Variants in LRFN1 observed in about 807,000 individuals in gnomAD.
LRFN1 encodes leucine-rich repeat and fibronectin type III domain-containing protein 1.
Under a neutral mutation model 31.8 loss-of-function variants are expected in LRFN1, and 20 were observed. That is an observed-to-expected ratio of 0.63 (90% CI 0.44 to 0.91). The LOEUF (loss-of-function observed/expected upper bound fraction) is 0.91, where lower values mean the gene tolerates loss of function less well. LRFN1 is among the 40% of genes least tolerant of loss of function. The probability of loss-of-function intolerance (pLI) is 0.00; values close to 1 mark genes in which losing one functional copy is unlikely to be tolerated. For missense variants in LRFN1, 912 were observed against 1,129.8 expected (o/e 0.81, Z 2.76); for synonymous variants, 514 against 541.3 (o/e 0.95, Z 0.70).
Position 39,314,020 on chromosome 19 carries a change from G to C in LRFN1, c.1317C>G (p.Leu439=), listed in dbSNP as rs746655922. 1 of 1,611,886 alleles carries C rather than the reference G, an allele frequency of 6.2e-7. No homozygotes were observed. ...VAAELTSNSV[L]IRWPAQRPVP... The stretch of plus-strand genomic sequence containing the variant: ...CAGGCCTCTGGGCTGGCCAGCGGAT[G>C]AGCACGGAGTTCGAGGTGAGCTCGG... Residue 439 remains leucine (L), a synonymous_variant, in exon 4 of 5, where the codon CTC becomes CTG. Coordinates refer to ENST00000248668, the MANE Select transcript of LRFN1 (RefSeq NM_020862.2).
intron 2 of LRFN1, among the ~76,000 whole-genome samples, chr19:39,317,522 G>A (rs1349393021): frequency 6.6e-6 from 1 of 152,120 alleles, no homozygotes; most frequent in Non-Finnish European, 1.5e-5. Flanking sequence ...AGCTGGGGTA[G>A]GACTCAAATG....
rs550952178 is a variant in LRFN1, at chr19:39,307,272, G to A, written c.*361C>T. 7.5e-6 allele frequency: 3 copies of A among 398,532 alleles called. No individual in the cohort carries two copies. The highest frequency in any genetic ancestry group is 7.1e-5 in the East Asian group (2 of 28,026). The allele number at this position is 398,532 out of a possible 1,614,324, so 24.7% of individuals were successfully genotyped here. On this transcript the variant is annotated 3_prime_UTR_variant, in exon 5 of 5. Coordinates refer to ENST00000248668, the MANE Select transcript of LRFN1 (RefSeq NM_020862.2). The surrounding 1 kb of genome is among the most constrained non-coding windows in gnomAD (Gnocchi z 6.7). ...TCGCCCCGGCCCCGGGTGACGGGCT[G>A]GGGGAGGGGGCTCGTGTCTCAGTGC...
rs542584455 is a variant in LRFN1, at chr19:39,319,499, C to T, written c.-125-1141G>A. ...TACGAGGCTGATCCACACTGGAACA[C>T]GCACACAGGCACAAAAAGATCCACC... is the stretch of plus-strand genomic sequence containing the variant. On this transcript the variant is annotated intron_variant, in intron 1 of 4. Transcript: ENST00000248668. 1.6e-4 allele frequency among the ~76,000 whole-genome samples: 25 copies of T among 152,220 alleles called. 1 individual carries two copies. Among genetic ancestry groups the T allele is most frequent in the Admixed American group, 6.5e-4 (10 of 15,284 alleles).
chr19:39,314,011 C>A lies in LRFN1; in HGVS notation c.1326G>T (p.Trp442Cys). 2.5e-6 allele frequency: 4 copies of A among 1,611,652 alleles called. No individual in the cohort carries two copies. Among genetic ancestry groups the A allele is most frequent in the Non-Finnish European group, 3.4e-6 (4 of 1,179,768 alleles). Residue 442 changes from tryptophan to cysteine, a missense_variant, in exon 4 of 5, where the codon TGG becomes TGT. This residue lies in a region of LRFN1 where 511 missense variants were observed against 557.0 expected (regional missense o/e 0.92). Transcript: ENST00000248668. ...ELTSNSVLIRWPAQRPVPGIR... is the reference protein window; with the variant it reads ...ELTSNSVLIRCPAQRPVPGIR... ...TTCCGGGCACAGGCCTCTGGGCTGGCCAGCGGATGAGCACGGAGTTCGAGG... is the reference window on the plus strand; with the variant it reads ...TTCCGGGCACAGGCCTCTGGGCTGGACAGCGGATGAGCACGGAGTTCGAGG...
Position 39,308,521 on chromosome 19 carries a change from C to G in LRFN1, c.1428G>C (p.Gln476His). ...CCGCCAGGTCATTCACCAGGAAGGT[C>G]TGACTGGTGGACGGGATCATCCTGT... is the stretch of plus-strand genomic sequence containing the variant. The part of the protein sequence containing the change: ...LVYRMIPSTS[Q>H]TFLVNDLAAG... The change falls in exon 5 of 5, where the codon CAG (glutamine) becomes CAC (histidine). Residue 476 changes from glutamine to histidine, a missense_variant. By Grantham distance (24) the Gln-to-His change is conservative. Transcript: ENST00000248668. The surrounding 1 kb of genome is among the most constrained non-coding windows in gnomAD (Gnocchi z 6.2). 1 of 1,591,982 alleles carries G rather than the reference C, an allele frequency of 6.3e-7. No homozygotes were observed. Among genetic ancestry groups the G allele is most frequent in the African/African-American group, 1.3e-5 (1 of 74,930 alleles).
intron 4 of LRFN1, among the ~76,000 whole-genome samples, chr19:39,313,084 G>A (rs1016545016): frequency 1.3e-5 from 2 of 152,174 alleles, no homozygotes; most frequent in Non-Finnish European, 1.5e-5. Flanking sequence ...TAAAATGTCT[G>A]TTGACACCGT....
chr19:39,308,563 A>G lies in LRFN1; in HGVS notation c.1407-21T>C, dbSNP rs2075139407. ...TCATCCTGTAGGAGGGGGCGGGTTCAGGGCGGGGTTAGTCCCCCCGAACCA... is the reference window on the plus strand; with the variant it reads ...TCATCCTGTAGGAGGGGGCGGGTTCGGGGCGGGGTTAGTCCCCCCGAACCA... On this transcript the variant is annotated intron_variant, in intron 4 of 4. Coordinates refer to ENST00000248668, the MANE Select transcript of LRFN1 (RefSeq NM_020862.2). The surrounding 1 kb of genome is among the most constrained non-coding windows in gnomAD (Gnocchi z 6.2). 4.5e-5 allele frequency: 40 copies of G among 893,016 alleles called. No homozygotes were observed. Among genetic ancestry groups the G allele is most frequent in the East Asian group, 1.9e-4 (5 of 26,714 alleles). 55.3% of individuals were successfully genotyped at this position (893,016 alleles called of 1,614,324 possible).
intron 4 of LRFN1, among the ~76,000 whole-genome samples, chr19:39,310,159 C>T (rs1207194474): frequency 6.6e-6 from 1 of 152,228 alleles, no homozygotes; most frequent in East Asian, 1.9e-4. Flanking sequence ...GGTTTCGCCA[C>T]GTTGGCCAAG....
At chr19:39,309,478 CAAAAAAAAAAAAAAA>C (rs71169583) in intron 4 of LRFN1, among the ~76,000 whole-genome samples, 3 of 32,004 alleles carry the variant, frequency 9.4e-5, no homozygotes, top group Non-Finnish European at 1.7e-4. Flanking sequence ...ACAAACAAAC[CAAAAAAAAAAAAAAA>C]AAAAAAAAAA....
intron 2 of LRFN1, among the ~76,000 whole-genome samples, chr19:39,317,282 G>A (rs975565600): frequency 3.3e-5 from 5 of 152,066 alleles, no homozygotes; most frequent in African/African-American, 4.8e-5. Flanking sequence ...GACAATGACC[G>A]GGCTGAAGGC....
chr19:39,314,373 G>T lies in LRFN1; in HGVS notation c.964C>A (p.Arg322=). The change falls in exon 4 of 5, where the codon CGA becomes AGA. Residue 322 remains arginine (R), a synonymous_variant. Coordinates refer to ENST00000248668, the MANE Select transcript of LRFN1 (RefSeq NM_020862.2). ...VEGQAVSLRC[R]AVGDPEPVVH... ...ACCGGCTCGGGGTCACCCACCGCTCGGCAGCGCAGGCTCACCGCCTGGCCT... is the reference window on the plus strand; with the variant it reads ...ACCGGCTCGGGGTCACCCACCGCTCTGCAGCGCAGGCTCACCGCCTGGCCT... 1 of 1,589,280 alleles carries T rather than the reference G, an allele frequency of 6.3e-7. No homozygotes were observed.
rs1188595098 is a variant in LRFN1, at chr19:39,307,679, C to A, written c.2270G>T (p.Cys757Phe). ...GDLGLGSARA[C>F]LAFTSTEWML... ...CCACTCGGTGCTGGTGAAAGCCAGGCACGCCCTGGCGGAGCCCAGCCCCAG... is the reference window on the plus strand; with the variant it reads ...CCACTCGGTGCTGGTGAAAGCCAGGAACGCCCTGGCGGAGCCCAGCCCCAG... Residue 757 changes from cysteine to phenylalanine, a missense_variant, in exon 5 of 5, where the codon TGC (cysteine) becomes TTC (phenylalanine). By Grantham distance (205) the Cys-to-Phe change is radical. Coordinates refer to ENST00000248668, the MANE Select transcript of LRFN1 (RefSeq NM_020862.2). The surrounding 1 kb of genome is among the most constrained non-coding windows in gnomAD (Gnocchi z 6.7). 14 of 1,499,210 alleles carry A rather than the reference C, an allele frequency of 9.3e-6. No homozygotes were observed. Among genetic ancestry groups the A allele is most frequent in the Non-Finnish European group, 1.2e-5 (14 of 1,133,080 alleles). 92.9% of individuals were successfully genotyped at this position (1,499,210 alleles called of 1,614,324 possible). A position where few individuals can be genotyped will look rare whatever the true frequency, so the allele number is the denominator to read the frequency against.
rs113964650 is a variant in LRFN1, at chr19:39,315,798, G to A, written c.-38+284C>T. 8.4e-4 allele frequency among the ~76,000 whole-genome samples: 128 copies of A among 152,256 alleles called. No homozygotes were observed. The highest frequency in any genetic ancestry group is 2.8e-3 in the African/African-American group (116 of 41,548). ...CACACCATTGCAATCCAGTCTGGGC[G>A]ACAGAGCAAGACTCCATCTTAAAAC... On this transcript the variant is annotated intron_variant, in intron 3 of 4. Transcript: ENST00000248668. This position sits in a 1 kb window ranked among gnomAD's most constrained non-coding sequence, Gnocchi z 4.7.
At chr19:39,310,204 C>T (rs995187610) in intron 4 of LRFN1, among the ~76,000 whole-genome samples, 10 of 152,172 alleles carry the variant, frequency 6.6e-5, no homozygotes, top group African/African-American at 2.2e-4. Context: ...GTGATCCATC[C>T]GCCTCGATCT....
At chr19:39,311,275 G>C (rs2075149670) in intron 4 of LRFN1, among the ~76,000 whole-genome samples, 1 of 152,182 alleles carries the variant, frequency 6.6e-6, no homozygotes, top group Non-Finnish European at 1.5e-5. Context: ...CTGCAATGGG[G>C]GTTGGAGAAC....
intron 1 of LRFN1, among the ~76,000 whole-genome samples, chr19:39,319,022 G>T (rs2075180147): frequency 2.0e-5 from 3 of 152,176 alleles, no homozygotes; most frequent in Non-Finnish European, 2.9e-5. Context: ...TTGTGCCAGG[G>T]CACAGACACA....
In LRFN1 at chr19:39,314,789, C is replaced by T; in HGVS notation, c.548G>A (p.Gly183Asp). 6.2e-7 allele frequency: 1 copy of T among 1,612,762 alleles called. No individual in the cohort carries two copies. The highest frequency in any genetic ancestry group is 8.5e-7 in the Non-Finnish European group (1 of 1,179,410). Reference protein sequence around the residue: ...NLEALPWEAVGQMVNLNTLTL... With the variant: ...NLEALPWEAVDQMVNLNTLTL... Reference sequence around the variant, plus strand: ...GAGGGTGTTTAGGTTCACCATCTGGCCCACCGCCTCCCACGGCAGGGCCTC... The same window carrying T: ...GAGGGTGTTTAGGTTCACCATCTGGTCCACCGCCTCCCACGGCAGGGCCTC... Residue 183 changes from glycine (G) to aspartate (D), a missense_variant, in exon 4 of 5, where the codon GGC becomes GAC. By Grantham distance (94) the Gly-to-Asp change is moderately conservative. This residue lies in a region of LRFN1 where 401 missense variants were observed against 572.7 expected (regional missense o/e 0.70). Transcript: ENST00000248668.
chr19:39,310,989 C>T (rs999263357), intron 4 of LRFN1, among the ~76,000 whole-genome samples: 76 of 152,318 alleles, frequency 5.0e-4, no homozygotes, highest in African/African-American at 1.3e-3. Context: ...CAGCCACCCT[C>T]GGCTGCCCTG....
In LRFN1 at chr19:39,314,022, G is replaced by A. The variant is rs770486254; in HGVS notation, c.1315C>T (p.Leu439Phe). ...VAAELTSNSV[L>F]IRWPAQRPVP... ...GGCCTCTGGGCTGGCCAGCGGATGA[G>A]CACGGAGTTCGAGGTGAGCTCGGCT... Residue 439 changes from leucine (L) to phenylalanine (F), a missense_variant, in exon 4 of 5, where the codon CTC (leucine) becomes TTC (phenylalanine). Leu to Phe is a conservative substitution (Grantham distance 22). Around this residue, in one of 2 missense-constraint regions of LRFN1, gnomAD observed 511 missense variants for 557.0 expected, o/e 0.92. Transcript: ENST00000248668. 2 of 1,611,894 alleles carry A rather than the reference G, an allele frequency of 1.2e-6. No homozygotes were observed. Among genetic ancestry groups the A allele is most frequent in the Admixed American group, 1.7e-5 (1 of 60,018 alleles).
Sources: gnomAD v4.1 joint callset for allele counts (sites outside exome capture counted in the v4.1 genomes callset) on GRCh38, gnomAD v4.1.1 for gene constraint, gnomAD v4.1.1 regional missense constraint, Gnocchi (gnomAD v3.1) non-coding constraint, MANE v1.5 for transcripts, NCBI Gene and HGNC (gene_info 2026-07-23, HGNC 2026-07-21) for gene names.